QRICH2: variants seen among roughly 807,000 people sequenced by gnomAD.
QRICH2 encodes the protein glutamine-rich protein 2.
In QRICH2, 119 loss-of-function variants were observed where a neutral mutation model predicts 168.3. That is an observed-to-expected ratio of 0.71 (90% CI 0.61 to 0.82). QRICH2 has a LOEUF of 0.82. QRICH2 is among the 40% of genes least tolerant of loss of function. The pLI, the probability that QRICH2 is intolerant of heterozygous loss-of-function variation, is 0.00. For missense variants in QRICH2, 2,241 were observed against 2,491.6 expected (o/e 0.90, Z 2.14); for synonymous variants, 894 against 951.2 (o/e 0.94, Z 1.11).
At chr17:76,287,096 A>C in intron 7 of QRICH2, 96 bp downstream of exon 7, 9 of 578,576 alleles carry the variant, frequency 1.6e-5, no homozygotes, top group Admixed American at 4.4e-5. Flanking sequence ...ACATGATGGG[A>C]GGGACCTAGT....
At chr17:76,305,233 A>T (rs2070974022) in intron 1 of QRICH2, among the ~76,000 whole-genome samples, 2 of 146,442 alleles carry the variant, frequency 1.4e-5, no homozygotes, top group South Asian at 4.3e-4. Flanking sequence ...ATGCCACCAC[A>T]GCTCACTGCA....
At position 76,278,072 on chromosome 17, in the gene QRICH2, G is replaced by T; in HGVS notation, c.5034C>A (p.His1678Gln). The change falls in exon 15 of 19, where the codon CAC (histidine) becomes CAA (glutamine). Residue 1678 changes from histidine (H) to glutamine (Q), a missense_variant. Coordinates refer to ENST00000680821, the MANE Select transcript of QRICH2 (RefSeq NM_001388453.1). ...TGCTGGCCTTGGTGGAGCCCCCGAA[G>T]TGGATCTGCACCTTCTCAATGTTCA... ...MLMNIEKVQI[H>Q]FGGSTKASSQ... The T allele has an allele frequency of 6.2e-7, 1 of 1,613,958 alleles. No individual in the cohort carries two copies. Among genetic ancestry groups the T allele is most frequent in the Non-Finnish European group, 8.5e-7 (1 of 1,180,044 alleles).
chr17:76,292,916 C>A lies in QRICH2; in HGVS notation c.1811G>T (p.Gly604Val). 6.2e-7 allele frequency: 1 copy of A among 1,610,590 alleles called. No individual in the cohort carries two copies. The highest frequency in any genetic ancestry group is 8.5e-7 in the Non-Finnish European group (1 of 1,179,198). Residue 604 changes from glycine to valine, a missense_variant, in exon 4 of 19, where the codon GGA (glycine) becomes GTA (valine). By Grantham distance (109) the Gly-to-Val change is moderately radical (BLOSUM62 -3). Coordinates refer to ENST00000680821, the MANE Select transcript of QRICH2 (RefSeq NM_001388453.1). ...GADQRGLVRP[G>V]MDQSGLAQPG... is the part of the protein sequence containing the mutation. ...TTGGGCCAAACCAGACTGATCCATT[C>A]CAGGCCGGACCAAACCACGCTGATC...
rs762453602 is a variant in QRICH2 at position 76,280,720 on chromosome 17, G to A, written c.4395C>T (p.Tyr1465=). Residue 1465 remains tyrosine (Y), a synonymous_variant, in exon 10 of 19, where the codon TAC becomes TAT. Transcript: ENST00000680821. The surrounding 1 kb of genome is among the most constrained non-coding windows in gnomAD (Gnocchi z 7.4). The stretch of plus-strand genomic sequence containing the variant: ...CCTTTTCGAGCTTCTCCAGACCCTG[G>A]TACAGCATCTGGGGAGGCCAAGTGA... ...RQKQKDIAML[Y]QGLEKLEKEK... 6.2e-7 allele frequency: 1 copy of A among 1,614,124 alleles called. No individual in the cohort carries two copies. The highest frequency in any genetic ancestry group is 8.5e-7 in the Non-Finnish European group (1 of 1,180,020).
Position 76,287,790 on chromosome 17 carries a change from G to A in QRICH2, c.3896+10C>T, listed in dbSNP as rs1209080610. On this transcript the variant is annotated intron_variant, in intron 6 of 18. Transcript: ENST00000680821. ...CAGGGGACCAGCTGCTCTTAGCTGG[G>A]GCATTTTACCTGAGGACACCCAGCT... 6.2e-7 allele frequency: 1 copy of A among 1,605,642 alleles called. No individual in the cohort carries two copies. The highest frequency in any genetic ancestry group is 8.5e-7 in the Non-Finnish European group (1 of 1,172,398).
In QRICH2 at chr17:76,291,011, C is replaced by T. The variant is rs2070976563; in HGVS notation, c.3712+4G>A. 1 of 1,607,896 alleles carries T rather than the reference C, an allele frequency of 6.2e-7. No homozygotes were observed. Among genetic ancestry groups the T allele is most frequent in the Non-Finnish European group, 8.5e-7 (1 of 1,175,176 alleles). On this transcript the variant is annotated splice_donor_region_variant and intron_variant, in intron 4 of 18. Transcript: ENST00000680821. ...TTTCTCCTCTATCGGCAAGCGGCAC[C>T]CACCCATCTGTGCCAGCAGGAACTG...
At chr17:76,285,156 G>T (rs941138323) in intron 7 of QRICH2, among the ~76,000 whole-genome samples, 2 of 121,998 alleles carry the variant, frequency 1.6e-5, no homozygotes, top group Non-Finnish European at 3.1e-5. Context: ...TTTTTGAGAT[G>T]GAGTCTCGCT....
At chr17:76,288,747 TC>T (rs1342624662) in intron 5 of QRICH2, among the ~76,000 whole-genome samples, 2 of 150,538 alleles carry the variant, frequency 1.3e-5, no homozygotes, top group African/African-American at 4.9e-5. Flanking sequence ...GATCTGGCCG[TC>T]CCTTGCAATG....
chr17:76,275,883 G>T lies in QRICH2; in HGVS notation c.5418C>A (p.Leu1806=). The part of the protein sequence containing the change: ...PRPHVHRPPS[L]SSNGQLPSRP... ...GAGAGGGCAGCTGGCCATTGCTGCT[G>T]AGGGATGGCGGCCTGTGCACGTGGG... The change falls in exon 18 of 19, where the codon CTC becomes CTA. Residue 1806 remains leucine, a synonymous_variant. Coordinates refer to ENST00000680821, the MANE Select transcript of QRICH2 (RefSeq NM_001388453.1). 1 of 1,608,928 alleles carries T rather than the reference G, an allele frequency of 6.2e-7. No homozygotes were observed.
chr17:76,307,889 A>G lies in QRICH2; in HGVS notation c.110T>C (p.Met37Thr). The G allele has an allele frequency of 1.6e-6, 2 of 1,269,472 alleles. No individual in the cohort carries two copies. Among genetic ancestry groups the G allele is most frequent in the Non-Finnish European group, 9.9e-7 (1 of 1,009,696 alleles). 78.6% of individuals were successfully genotyped at this position (1,269,472 alleles called of 1,614,324 possible). The part of the protein sequence containing the change: ...FTALHTLIVA[M>T]LKNLDLQNTR... ...ATTTTGGAGGTCGAGGTTCTTGAGC[A>G]TGGCCACGATGAGCGTGTGCAGGGC... The change falls in exon 1 of 19, where the codon ATG becomes ACG. Residue 37 changes from methionine (M) to threonine (T), a missense_variant. Around this residue, in one of 3 missense-constraint regions of QRICH2, gnomAD observed 2,047 missense variants for 2,303.8 expected, o/e 0.89. Coordinates refer to ENST00000680821, the MANE Select transcript of QRICH2 (RefSeq NM_001388453.1). This position sits in a 1 kb window ranked among gnomAD's most constrained non-coding sequence, Gnocchi z 5.3.
At chr17:76,287,469 T>C (rs533711369) in intron 6 of QRICH2, among the ~76,000 whole-genome samples, 163 bp from the exon 7 acceptor site, 2 of 152,122 alleles carry the variant, frequency 1.3e-5, no homozygotes, top group Non-Finnish European at 2.9e-5. Flanking sequence ...TATGCCTCTG[T>C]CCTGGGAGGC....
At chr17:76,274,290 A>T in intron 18 of QRICH2, 30 bp from the exon 19 acceptor site, 1 of 1,564,754 alleles carries the variant, frequency 6.4e-7, no homozygotes, top group Non-Finnish European at 8.6e-7. Context: ...AGGTTGCTCA[A>T]CACATTCCCC....
Position 76,291,223 on chromosome 17 carries a change from C to G in QRICH2, c.3504G>C (p.Gly1168=), listed in dbSNP as rs2070983309. 1 of 1,614,170 alleles carries G rather than the reference C, an allele frequency of 6.2e-7. No individual in the cohort carries two copies. Among genetic ancestry groups the G allele is most frequent in the African/African-American group, 1.3e-5 (1 of 75,044 alleles). Residue 1168 remains glycine, a synonymous_variant, in exon 4 of 19, where the codon GGG becomes GGC. Coordinates refer to ENST00000680821, the MANE Select transcript of QRICH2 (RefSeq NM_001388453.1). ...TCAGGACTTCACTCGAGACTTCGCT[C>G]CCTTCTGATAAGACTCGGTCGACGG... The part of the protein sequence containing the change: ...PDSVDRVLSE[G]SEVSSEVLSE...
At chr17:76,303,599 G>A (rs1183558125) in intron 3 of QRICH2, among the ~76,000 whole-genome samples, 2 of 151,434 alleles carry the variant, frequency 1.3e-5, no homozygotes, top group Non-Finnish European at 3.0e-5. Context: ...GGCCGGGCGC[G>A]GTGGCTCACG....
intron 13 of QRICH2, 85 bp from the exon 14 acceptor site, chr17:76,279,227 C>T: frequency 7.4e-7 from 1 of 1,356,682 alleles, no homozygotes; most frequent in Non-Finnish European, 1.0e-6. Context: ...AACCTTCCCA[C>T]CCGCCCCCGG....
upstream of QRICH2, among the ~76,000 whole-genome samples, chr17:76,309,044 G>T (rs190972077): frequency 0.014 from 2,044 of 145,184 alleles, 12 homozygotes; most frequent in Non-Finnish European, 0.022. Context: ...ACCGCGCCCA[G>T]CCTGCCATAA....
In QRICH2 at chr17:76,291,655, T is replaced by C; in HGVS notation, c.3072A>G (p.Pro1024=). The change falls in exon 4 of 19, where the codon CCA becomes CCG. Residue 1024 remains proline (P), a synonymous_variant. Coordinates refer to ENST00000680821, the MANE Select transcript of QRICH2 (RefSeq NM_001388453.1). ...ATGCCAAACCTTGACTGGCTAGGAG[T>C]GGTGACACCTGGCCGTATTGTTCTC... ...PGREQYGQVS[P]LLASQGLASP... is the part of the protein sequence containing the mutation. 1.2e-6 allele frequency: 2 copies of C among 1,613,976 alleles called. No homozygotes were observed. The highest frequency in any genetic ancestry group is 1.6e-4 in the Middle Eastern group (1 of 6,062).
At chr17:76,277,115 AGCC>A (rs771671226) in intron 16 of QRICH2, 45 bp downstream of exon 16, 1 of 1,502,190 alleles carries the variant, frequency 6.7e-7, no homozygotes, top group East Asian at 2.4e-5. Flanking sequence ...AGGAATCTGG[AGCC>A]ATGTCAGGGC....
At chr17:76,299,758 G>T (rs1026263447) in intron 3 of QRICH2, among the ~76,000 whole-genome samples, 2 of 151,774 alleles carry the variant, frequency 1.3e-5, no homozygotes, top group Admixed American at 6.6e-5. Context: ...AAACGATATT[G>T]CAAGAGGACC....
Sources: allele counts gnomAD v4.1 joint callset (sites outside exome capture counted in the v4.1 genomes callset), GRCh38; gene constraint gnomAD v4.1.1; regional missense constraint gnomAD v4.1.1; non-coding constraint Gnocchi (gnomAD v3.1); transcripts MANE v1.5; gene names NCBI Gene and HGNC (gene_info 2026-07-23, HGNC 2026-07-21).